SAP30L: variants seen among roughly 807,000 people sequenced by gnomAD.
SAP30L encodes histone deacetylase complex subunit SAP30L.
Under a neutral mutation model 22.3 loss-of-function variants are expected in SAP30L, and 10 were observed. That is an observed-to-expected ratio of 0.45 (90% CI 0.28 to 0.76). The LOEUF is 0.76. Among genes scored for constraint, SAP30L ranks in the 30% least tolerant of loss-of-function variants. The pLI, the probability that SAP30L is intolerant of heterozygous loss-of-function variation, is 0.14. For missense variants in SAP30L, 206 were observed against 237.9 expected (o/e 0.87, Z 0.88); for synonymous variants, 91 against 94.1 (o/e 0.97, Z 0.19).
rs1179906480 is a variant in SAP30L at position 154,456,220 on chromosome 5, C to T, written c.*192C>T. 1.3e-5 allele frequency: 6 copies of T among 444,990 alleles called. No homozygotes were observed. Among genetic ancestry groups the T allele is most frequent in the African/African-American group, 4.0e-5 (2 of 49,404 alleles). 27.6% of individuals were successfully genotyped at this position (444,990 alleles called of 1,614,324 possible). ...ATGTGTATAGAAAGACTTTCTTTTA[C>T]GATAACTCTGGACTAAAAAAATCAG... On this transcript the variant is annotated 3_prime_UTR_variant, in exon 4 of 4. Coordinates refer to ENST00000297109, the MANE Select transcript of SAP30L (RefSeq NM_024632.6).
chr5:154,451,014 G>T, intron 1 of SAP30L, 77 bp from the exon 2 acceptor site: 2 of 1,482,562 alleles, frequency 1.3e-6, no homozygotes, highest in Non-Finnish European at 1.9e-6. Flanking sequence ...ATGGAAGGAA[G>T]CCCCGCAATT....
chr5:154,454,177 T>C (rs1757214310), intron 3 of SAP30L, among the ~76,000 whole-genome samples: 3 of 152,224 alleles, frequency 2.0e-5, no homozygotes. Flanking sequence ...TTCAAAACCT[T>C]GATGTTCTAC....
chr5:154,452,634 C>A (rs1262828028), intron 2 of SAP30L: 2 of 226,720 alleles, frequency 8.8e-6, no homozygotes, highest in Non-Finnish European at 1.5e-5. Flanking sequence ...CCAGCCCTAA[C>A]CTGCTGGATT....
intron 1 of SAP30L, among the ~76,000 whole-genome samples, chr5:154,448,242 C>G (rs1757066822): frequency 6.6e-6 from 1 of 152,128 alleles, no homozygotes; most frequent in Non-Finnish European, 1.5e-5. Flanking sequence ...TCCCAAAGTT[C>G]TGGGATTACA....
At chr5:154,453,552 A>G (rs764601567) in intron 3 of SAP30L, 52 bp downstream of exon 3, 14 of 1,187,902 alleles carry the variant, frequency 1.2e-5, no homozygotes, top group Middle Eastern at 3.8e-4. Context: ...GCTGCTTCTG[A>G]TGGTTACCCT....
At chr5:154,449,901 A>G (rs374969826) in intron 1 of SAP30L, among the ~76,000 whole-genome samples, 1 of 152,360 alleles carries the variant, frequency 6.6e-6, no homozygotes, top group Non-Finnish European at 1.5e-5. Context: ...GTATAAACTT[A>G]AAAGTACTTA....
Position 154,457,894 on chromosome 5 carries a change from A to G in SAP30L, c.*1866A>G, listed in dbSNP as rs1757297314. The G allele has an allele frequency of 6.6e-6, 1 of 152,168 alleles. No homozygotes were observed. The highest frequency in any genetic ancestry group is 6.5e-5 in the Admixed American group (1 of 15,278). 9.4% of individuals were successfully genotyped at this position (152,168 alleles called of 1,614,324 possible). On this transcript the variant is annotated 3_prime_UTR_variant, in exon 4 of 4. Coordinates refer to ENST00000297109, the MANE Select transcript of SAP30L (RefSeq NM_024632.6). ...GAAGGATGTTGATACAGGCATCAAG[A>G]AGGCTGAGGGGCAGATGGGGCCTGC...
chr5:154,456,897 A>T lies in SAP30L; in HGVS notation c.*869A>T, dbSNP rs906418210. ...AGCCAAGCTTCTTGGTAATAAATGC[A>T]TTGACACACTGACATATTTAGTAGG... On this transcript the variant is annotated 3_prime_UTR_variant, in exon 4 of 4. Coordinates refer to ENST00000297109, the MANE Select transcript of SAP30L (RefSeq NM_024632.6). The T allele has an allele frequency of 1.3e-5, 2 of 152,220 alleles. No homozygotes were observed. The highest frequency in any genetic ancestry group is 1.9e-4 in the East Asian group (1 of 5,198). The allele number at this position is 152,220 out of a possible 1,614,324, so 9.4% of individuals were successfully genotyped here.
intron 2 of SAP30L, chr5:154,452,452 T>G (rs2113275254): frequency 3.0e-6 from 3 of 985,250 alleles, no homozygotes; most frequent in Non-Finnish European, 3.6e-6. Context: ...ATTTTGTTTT[T>G]AAGTGCTCTC....
In SAP30L at chr5:154,453,389, C is replaced by T. The variant is rs1343533085; in HGVS notation, c.325-13C>T. The stretch of plus-strand genomic sequence containing the variant: ...TCAGGTGATGGATAACATTTTTCTC[C>T]TCTTCTCCCTAGGTTGATCTGTTCC... On this transcript the variant is annotated splice_polypyrimidine_tract_variant and intron_variant, in intron 2 of 3. Coordinates refer to ENST00000297109, the MANE Select transcript of SAP30L (RefSeq NM_024632.6). The T allele has an allele frequency of 2.5e-6, 4 of 1,604,272 alleles. No individual in the cohort carries two copies. The highest frequency in any genetic ancestry group is 3.4e-6 in the Non-Finnish European group (4 of 1,171,512).
intron 1 of SAP30L, among the ~76,000 whole-genome samples, chr5:154,449,677 T>C (rs1439497750): frequency 6.6e-6 from 1 of 152,190 alleles, no homozygotes; most frequent in East Asian, 1.9e-4. Context: ...TGTCCAGTAG[T>C]ATATACATCA....
rs1198451689 is a variant in SAP30L, at chr5:154,446,625, G to A, written c.21G>A (p.Glu7=). 5 of 1,522,126 alleles carry A rather than the reference G, an allele frequency of 3.3e-6. No homozygotes were observed. Among genetic ancestry groups the A allele is most frequent in the Non-Finnish European group, 4.4e-6 (5 of 1,137,922 alleles). The allele number at this position is 1,522,126 out of a possible 1,614,324, so 94.3% of individuals were successfully genotyped here. MNGFST[E]EDSREGPPAA... The stretch of plus-strand genomic sequence containing the variant: ...GGGAGATGAACGGCTTCAGCACGGA[G>A]GAGGACAGCCGCGAAGGGCCCCCCG... Residue 7 remains glutamate (E), a synonymous_variant, in exon 1 of 4, where the codon GAG becomes GAA. Coordinates refer to ENST00000297109, the MANE Select transcript of SAP30L (RefSeq NM_024632.6).
At chr5:154,452,605 C>A in intron 2 of SAP30L, 3 of 402,766 alleles carry the variant, frequency 7.4e-6, no homozygotes, top group Non-Finnish European at 1.0e-5. Context: ...CCTCTGTTAT[C>A]CAGTCATCTG....
rs980672329 is a variant in SAP30L, at chr5:154,446,649, C to G, written c.45C>G (p.Pro15=). 68 of 1,536,936 alleles carry G rather than the reference C, an allele frequency of 4.4e-5. No individual in the cohort carries two copies. Among genetic ancestry groups the G allele is most frequent in the Non-Finnish European group, 5.6e-5 (64 of 1,144,612 alleles). Reference sequence around the variant, plus strand: ...AGGAGGACAGCCGCGAAGGGCCCCCCGCCGCCCCAGCTGCCGCCGCCCCGG... The same window carrying G: ...AGGAGGACAGCCGCGAAGGGCCCCCGGCCGCCCCAGCTGCCGCCGCCCCGG... The part of the protein sequence containing the change: ...STEEDSREGP[P]AAPAAAAPGY... Residue 15 remains proline, a synonymous_variant, in exon 1 of 4, where the codon CCC becomes CCG. Coordinates refer to ENST00000297109, the MANE Select transcript of SAP30L (RefSeq NM_024632.6).
At chr5:154,447,337 G>A (rs1757041824) in intron 1 of SAP30L, among the ~76,000 whole-genome samples, 1 of 152,244 alleles carries the variant, frequency 6.6e-6, no homozygotes, top group Non-Finnish European at 1.5e-5. Context: ...CAGAAATAAG[G>A]CCAAGGCCAG....
chr5:154,455,849 G>C (rs371604665), intron 3 of SAP30L, 51 bp from the exon 4 acceptor site: 1 of 1,558,214 alleles, frequency 6.4e-7, no homozygotes, highest in African/African-American at 1.4e-5. Context: ...TAGAATTTGC[G>C]GTGTGATTTG....
At chr5:154,446,972 A>G (rs555377615) in intron 1 of SAP30L, among the ~76,000 whole-genome samples, 167 bp downstream of exon 1, 6 of 152,208 alleles carry the variant, frequency 3.9e-5, no homozygotes, top group Non-Finnish European at 7.3e-5. Context: ...CAGCGCTGAC[A>G]TGCTCTGACT....
At chr5:154,450,394 T>C (rs1171318926) in intron 1 of SAP30L, among the ~76,000 whole-genome samples, 1 of 152,236 alleles carries the variant, frequency 6.6e-6, no homozygotes, top group African/African-American at 2.4e-5. Context: ...CAAAGAGTTA[T>C]TATCCTACAA....
rs1757345622 is a variant in SAP30L at position 154,460,200 on chromosome 5, T to C, written c.*4172T>C. ...GCAGAACTCAAGATTGAGCGAAATGTTTAGGCCAGTTGAGTTTTGCAAAAT... is the reference window on the plus strand; with the variant it reads ...GCAGAACTCAAGATTGAGCGAAATGCTTAGGCCAGTTGAGTTTTGCAAAAT... On this transcript the variant is annotated 3_prime_UTR_variant, in exon 4 of 4. Transcript: ENST00000297109. 6.7e-6 allele frequency: 1 copy of C among 149,442 alleles called. No homozygotes were observed. The highest frequency in any genetic ancestry group is 2.1e-4 in the South Asian group (1 of 4,834). The allele number at this position is 149,442 out of a possible 1,614,324, so 9.3% of individuals were successfully genotyped here. A position where few individuals can be genotyped will look rare whatever the true frequency, so the allele number is the denominator to read the frequency against.
Sources: allele counts gnomAD v4.1 joint callset (sites outside exome capture counted in the v4.1 genomes callset), GRCh38; gene constraint gnomAD v4.1.1; transcripts MANE v1.5; gene names NCBI Gene and HGNC (gene_info 2026-07-23, HGNC 2026-07-21).